The following GAS2 variants were observed in gnomAD, a reference collection of about 807,000 sequenced individuals.
GAS2 encodes growth arrest-specific protein 2.
GAS2 carries 20 observed loss-of-function variants against 37.5 expected under a neutral mutation model. The ratio of observed to expected loss-of-function variants is 0.53; its 90% CI spans 0.37 to 0.77. GAS2 has a LOEUF of 0.77. Among genes scored for constraint, GAS2 ranks in the 30% least tolerant of loss-of-function variants. The pLI is 0.00. For missense variants in GAS2, 336 were observed against 373.4 expected (o/e 0.90, Z 0.82); for synonymous variants, 144 against 132.2 (o/e 1.09, Z -0.61).
chr11:22,626,576 G>T (rs963392047), intron 1 of GAS2: 9 of 152,606 alleles, frequency 5.9e-5, no homozygotes, highest in Admixed American at 3.3e-4. Flanking sequence ...CAAGAGAGTA[G>T]GGAGGAGAAG....
chr11:22,726,303 G>A lies in GAS2; in HGVS notation c.279G>A (p.Leu93=), dbSNP rs1364452243. 2 of 1,601,362 alleles carry A rather than the reference G, an allele frequency of 1.2e-6. No individual in the cohort carries two copies. Among genetic ancestry groups the A allele is most frequent in the Non-Finnish European group, 1.7e-6 (2 of 1,176,958 alleles). ...TCTTTATTTTTCAGAATCTACCGTT[G>A]AAGAAGATCCCATGCAAAACCAGTG... The part of the protein sequence containing the change: ...DANKPTKNLP[L]KKIPCKTSAP... Residue 93 remains leucine, a synonymous_variant, in exon 4 of 8, where the codon TTG becomes TTA. Coordinates refer to ENST00000454584, the MANE Select transcript of GAS2 (RefSeq NM_001143830.3).
chr11:22,637,710 AATC>A (rs941144031), intron 1 of GAS2, among the ~76,000 whole-genome samples: 1 of 141,502 alleles, frequency 7.1e-6, no homozygotes, highest in Non-Finnish European at 1.5e-5. Context: ...ATAAATATAT[AATC>A]ATGTATTTAT....
intron 1 of GAS2, among the ~76,000 whole-genome samples, chr11:22,658,199 A>C (rs1341051579): frequency 6.6e-6 from 1 of 151,736 alleles, no homozygotes; most frequent in Non-Finnish European, 1.5e-5. Flanking sequence ...CTAATTTTTA[A>C]AATATTTTTA....
At chr11:22,629,307 T>C (rs1858712898) in intron 1 of GAS2, among the ~76,000 whole-genome samples, 1 of 152,182 alleles carries the variant, frequency 6.6e-6, no homozygotes, top group South Asian at 2.1e-4. Flanking sequence ...AGCATTGCCT[T>C]TTCACCACAT....
chr11:22,702,446 G>C (rs1020339363), intron 3 of GAS2: 1 of 152,074 alleles, frequency 6.6e-6, no homozygotes, highest in African/African-American at 2.4e-5. Context: ...AAAATCTTTG[G>C]ACAAGAGTAT....
intron 1 of GAS2, among the ~76,000 whole-genome samples, chr11:22,647,478 G>A (rs1331165587): frequency 1.3e-5 from 2 of 152,012 alleles, no homozygotes; most frequent in East Asian, 3.9e-4. Context: ...TCTAGTTCTA[G>A]ATCCCTGAGG....
At chr11:22,656,719 G>A (rs2133840434) in intron 1 of GAS2, among the ~76,000 whole-genome samples, 1 of 152,236 alleles carries the variant, frequency 6.6e-6, no homozygotes, top group East Asian at 1.9e-4. Context: ...TCAAAGGCAG[G>A]TCATATTACA....
intron 7 of GAS2, among the ~76,000 whole-genome samples, chr11:22,775,150 G>A (rs369982387): frequency 1.6e-4 from 25 of 152,292 alleles, no homozygotes; most frequent in African/African-American, 4.3e-4. Context: ...TCTCCTGAAG[G>A]CAATAAGAAG....
chr11:22,808,009 G>T (rs565626576), intron 7 of GAS2, among the ~76,000 whole-genome samples: 105 of 152,224 alleles, frequency 6.9e-4, no homozygotes, highest in Middle Eastern at 3.4e-3. Flanking sequence ...GACTGGGAGG[G>T]TCAATGTCTA....
chr11:22,747,096 G>A (rs1340669989), intron 5 of GAS2, among the ~76,000 whole-genome samples: 2 of 152,134 alleles, frequency 1.3e-5, no homozygotes, highest in South Asian at 2.1e-4. Context: ...AAGCATTTTT[G>A]TACATTTAAT....
At chr11:22,811,612 C>G (rs1251745916) in intron 7 of GAS2, among the ~76,000 whole-genome samples, 186 bp from the exon 8 acceptor site, 1 of 142,894 alleles carries the variant, frequency 7.0e-6, no homozygotes, top group African/African-American at 2.9e-5. Context: ...ATTCTTATCA[C>G]TTCCACAGAA....
At chr11:22,745,133 A>AAAAT (rs55957978) in intron 5 of GAS2, among the ~76,000 whole-genome samples, 2 of 121,352 alleles carry the variant, frequency 1.6e-5, no homozygotes, top group Non-Finnish European at 3.6e-5. Context: ...AAAAAAAAAA[A>AAAAT]GAAAGAAAAA....
intron 1 of GAS2, among the ~76,000 whole-genome samples, chr11:22,649,122 A>G (rs954044258): frequency 7.9e-5 from 12 of 151,956 alleles, no homozygotes; most frequent in Non-Finnish European, 1.8e-4. Context: ...AGTTTTTAGC[A>G]TGAAGGGTTG....
At chr11:22,663,298 T>A (rs968971098), upstream of GAS2, among the ~76,000 whole-genome samples, 3 of 151,956 alleles carry the variant, frequency 2.0e-5, no homozygotes, top group Non-Finnish European at 4.4e-5. Context: ...ATATCAGTGG[T>A]GCTCACTTGT....
At chr11:22,743,140 T>C (rs1853184983) in intron 5 of GAS2, among the ~76,000 whole-genome samples, 1 of 152,118 alleles carries the variant, frequency 6.6e-6, no homozygotes, top group Non-Finnish European at 1.5e-5. Flanking sequence ...TATAACTTGA[T>C]CTGCTAAACT....
chr11:22,726,191 C>T, intron 3 of GAS2, 101 bp from the exon 4 acceptor site: 3 of 1,159,174 alleles, frequency 2.6e-6, no homozygotes, highest in Middle Eastern at 3.0e-4. Context: ...TACTTATTGG[C>T]ATGAGGTAAT....
intron 1 of GAS2, among the ~76,000 whole-genome samples, chr11:22,651,432 G>A (rs1331442513): frequency 2.0e-5 from 3 of 152,120 alleles, no homozygotes; most frequent in Admixed American, 6.5e-5. Flanking sequence ...TCTTTGTGGC[G>A]TTCTCTGTAT....
Position 22,661,156 on chromosome 11 carries a change from CTT to C in GAS2, c.-20-13693_-20-13692del, listed in dbSNP as rs542634397. On this transcript the variant is annotated intron_variant, in intron 1 of 5. Coordinates refer to the GAS2 transcript ENST00000528582. The stretch of plus-strand genomic sequence containing the variant: ...CAAGAAATGTGATACTAAAATCTCA[CTT>C]ATAAGTAAATTGTGCTAGTAATAAA... Among the ~76,000 whole-genome samples the C allele has an allele frequency of 2.9e-4, 44 of 152,202 alleles. No homozygotes were observed. In the South Asian group the frequency reaches 9.1e-3, roughly 32 times the overall value.
chr11:22,700,103 T>C (rs769570503), intron 3 of GAS2, among the ~76,000 whole-genome samples: 3 of 152,172 alleles, frequency 2.0e-5, no homozygotes, highest in South Asian at 2.1e-4. Context: ...TCTTGTACCA[T>C]ACTGTTGTAC....
Sources: allele counts gnomAD v4.1 joint callset (sites outside exome capture counted in the v4.1 genomes callset), GRCh38; gene constraint gnomAD v4.1.1; transcripts MANE v1.5; gene names NCBI Gene and HGNC (gene_info 2026-07-23, HGNC 2026-07-21).